ABTB3: variants seen among roughly 807,000 people sequenced by gnomAD.
The protein encoded by ABTB3 is ankyrin repeat- and BTB/POZ domain-containing protein 3.
the ABTB3 span, among the ~76,000 whole-genome samples, chr12:107,465,308 G>A: frequency 1.3e-5 from 2 of 152,148 alleles, no homozygotes; most frequent in South Asian, 2.1e-4. Context: ...CAGGTCACAC[G>A]TTAAGGTAGT....
chr12:107,527,667 A>T, the ABTB3 span, among the ~76,000 whole-genome samples: 1 of 152,144 alleles, frequency 6.6e-6, no homozygotes, highest in Non-Finnish European at 1.5e-5. Context: ...TGCTGAATGA[A>T]TTAATGAATG....
At chr12:107,403,009 A>T in the ABTB3 span, among the ~76,000 whole-genome samples, 1 of 152,192 alleles carries the variant, frequency 6.6e-6, no homozygotes, top group Admixed American at 6.5e-5. Context: ...TTAGACATGG[A>T]TCCTGCTCCT....
At chr12:107,640,505 C>T in the ABTB3 span, 4,366 of 740,262 alleles carry the variant, frequency 5.9e-3, 144 homozygotes, top group African/African-American at 0.067. Context: ...GTCTCTTCGC[C>T]GGACTGGCTG....
At chr12:107,588,664 G>T in the ABTB3 span, among the ~76,000 whole-genome samples, 43 of 152,256 alleles carry the variant, frequency 2.8e-4, 1 homozygote, top group South Asian at 7.9e-3. Flanking sequence ...GGGATTACAG[G>T]CACGTGCCAC....
chr12:107,559,918 T>C, the ABTB3 span, among the ~76,000 whole-genome samples: 1 of 152,102 alleles, frequency 6.6e-6, no homozygotes, highest in Non-Finnish European at 1.5e-5. Context: ...CAGGAAAATA[T>C]AAGGAAGAAA....
At chr12:107,437,667 G>T in the ABTB3 span, among the ~76,000 whole-genome samples, 1 of 152,146 alleles carries the variant, frequency 6.6e-6, no homozygotes, top group African/African-American at 2.4e-5. Context: ...CTCCCAAAGT[G>T]CTGGAATCAC....
chr12:107,430,221 TGTATTTACCCA>T, the ABTB3 span, among the ~76,000 whole-genome samples: 2 of 152,348 alleles, frequency 1.3e-5, no homozygotes, highest in African/African-American at 2.4e-5. Context: ...AAAATCATAA[TGTATTTACCCA>T]GTCCCCTTTT....
At chr12:107,485,925 G>A in the ABTB3 span, among the ~76,000 whole-genome samples, 1 of 152,222 alleles carries the variant, frequency 6.6e-6, no homozygotes, top group Non-Finnish European at 1.5e-5. Flanking sequence ...TACATTAACT[G>A]TAGAGAGCAG....
At chr12:107,564,916 G>A in the ABTB3 span, among the ~76,000 whole-genome samples, 2 of 152,344 alleles carry the variant, frequency 1.3e-5, no homozygotes, top group African/African-American at 4.8e-5. Flanking sequence ...CCCCATGCAG[G>A]AGCCATCTCC....
chr12:107,544,774 G>A, the ABTB3 span, among the ~76,000 whole-genome samples: 6 of 152,300 alleles, frequency 3.9e-5, no homozygotes, highest in Admixed American at 6.5e-5. Flanking sequence ...TCTGAGTACT[G>A]TAGGTGTGAC....
At chr12:107,401,777 C>T in the ABTB3 span, among the ~76,000 whole-genome samples, 10 of 152,146 alleles carry the variant, frequency 6.6e-5, no homozygotes, top group African/African-American at 2.4e-4. Flanking sequence ...AGCATCACTG[C>T]TTTATACATA....
chr12:107,589,117 G>A, the ABTB3 span, among the ~76,000 whole-genome samples: 2 of 152,200 alleles, frequency 1.3e-5, no homozygotes, highest in African/African-American at 4.8e-5. Flanking sequence ...GTTGTGGGAG[G>A]ATTAGATGAA....
chr12:107,553,044 AC>A, the ABTB3 span, among the ~76,000 whole-genome samples: 2 of 152,194 alleles, frequency 1.3e-5, no homozygotes, highest in African/African-American at 4.8e-5. Context: ...GTGCTGTGTG[AC>A]CTCAAGGCTT....
the ABTB3 span, among the ~76,000 whole-genome samples, chr12:107,569,875 C>A: frequency 6.6e-6 from 1 of 152,214 alleles, no homozygotes; most frequent in Non-Finnish European, 1.5e-5. Context: ...TGTTGCTCTG[C>A]GTTTATCAAC....
the ABTB3 span, among the ~76,000 whole-genome samples, chr12:107,517,082 A>G: frequency 6.6e-6 from 1 of 152,200 alleles, no homozygotes; most frequent in Admixed American, 6.5e-5. Context: ...AACTTTCTAC[A>G]TATAGCTAGC....
At chr12:107,608,957 A>C in the ABTB3 span, among the ~76,000 whole-genome samples, 1 of 65,268 alleles carries the variant, frequency 1.5e-5, no homozygotes, top group South Asian at 4.2e-4. Flanking sequence ...AAAATAAAAT[A>C]TAAAATAAAA....
At chr12:107,622,728 C>T in the ABTB3 span, among the ~76,000 whole-genome samples, 1 of 152,240 alleles carries the variant, frequency 6.6e-6, no homozygotes, top group Admixed American at 6.5e-5. Flanking sequence ...CCCACCTCAG[C>T]CTCCCCAGGT....
At chr12:107,505,701 A>G in the ABTB3 span, among the ~76,000 whole-genome samples, 2 of 152,056 alleles carry the variant, frequency 1.3e-5, 1 homozygote, top group South Asian at 4.2e-4. Context: ...CCACTCTCCA[A>G]TAGGTCCCAA....
chr12:107,350,108 G>A, the ABTB3 span, among the ~76,000 whole-genome samples: 1 of 152,126 alleles, frequency 6.6e-6, no homozygotes, highest in South Asian at 2.1e-4. Context: ...TCAAGGCAAA[G>A]GATAACCTTT....
Sources: allele counts gnomAD v4.1 joint callset (sites outside exome capture counted in the v4.1 genomes callset), GRCh38; gene constraint gnomAD v4.1.1; transcripts MANE v1.5; gene names NCBI Gene and HGNC (gene_info 2026-07-23, HGNC 2026-07-21).